Variants in AMH observed in about 807,000 individuals in gnomAD.
The protein encoded by AMH is anti-Mullerian hormone, also known as anti-Muellerian hormone.
A neutral mutation model predicts 33.3 loss-of-function variants in AMH; 39 were observed. The ratio of observed to expected loss-of-function variants is 1.17; its 90% CI spans 0.91 to 1.53. The LOEUF is 1.53. Among genes scored for constraint, AMH ranks in the 40% most tolerant of loss-of-function variants. The pLI is 0.00. For synonymous variants in AMH, 536 were observed against 403.0 expected, an observed-to-expected ratio of 1.33 and a Z score of -3.95; for missense variants, 1,019 against 799.8, an observed-to-expected ratio of 1.27 and a Z score of -3.30.
rs2025044922 is a variant in AMH, at chr19:2,251,577, C to T, written c.1303C>T (p.Arg435Cys). 1 of 1,296,754 alleles carries T rather than the reference C, an allele frequency of 7.7e-7. No homozygotes were observed. The highest frequency in any genetic ancestry group is 2.4e-5 in the South Asian group (1 of 41,206). The allele number at this position is 1,296,754 out of a possible 1,614,324, so 80.3% of individuals were successfully genotyped here. Residue 435 changes from arginine to cysteine, a missense_variant, in exon 5 of 5, where the codon CGC becomes TGC. Coordinates refer to ENST00000221496, the MANE Select transcript of AMH (RefSeq NM_000479.5). Reference sequence around the variant, plus strand: ...GCTCCTGAAGGCGCTGCAGGGCCTGCGCGTGGAGTGGCGCGGGCGGGATCC... The same window carrying T: ...GCTCCTGAAGGCGCTGCAGGGCCTGTGCGTGGAGTGGCGCGGGCGGGATCC... ...LLLLKALQGL[R>C]VEWRGRDPRG...
chr19:2,250,802 C>A (rs1212094169), intron 3 of AMH, 42 bp downstream of exon 3: 44 of 1,538,006 alleles, frequency 2.9e-5, no homozygotes, highest in Non-Finnish European at 3.8e-5. Flanking sequence ...GGTCGACTGC[C>A]CCCGGGCCCC....
Position 2,249,493 on chromosome 19 carries a change from T to C in AMH, c.161T>C (p.Leu54Pro). 6.2e-7 allele frequency: 1 copy of C among 1,607,068 alleles called. No homozygotes were observed. The highest frequency in any genetic ancestry group is 8.5e-7 in the Non-Finnish European group (1 of 1,177,848). ...CCTCCAGGCAGCCCACAAGAGCCTC[T>C]GTGCCTGGTGGCACTGGGCGGGGAC... Reference protein sequence around the residue: ...DWPPGSPQEPLCLVALGGDSN... With the variant: ...DWPPGSPQEPPCLVALGGDSN... Residue 54 changes from leucine (L) to proline (P), a missense_variant, in exon 1 of 5, where the codon CTG (leucine) becomes CCG (proline). Transcript: ENST00000221496.
rs1443896313 is a variant in AMH, at chr19:2,251,531, C to G, written c.1257C>G (p.Gly419=). The G allele has an allele frequency of 3.0e-6, 4 of 1,340,312 alleles. No individual in the cohort carries two copies. Among genetic ancestry groups the G allele is most frequent in the Non-Finnish European group, 3.8e-6 (4 of 1,048,120 alleles). 83.0% of individuals were successfully genotyped at this position (1,340,312 alleles called of 1,614,324 possible). The change falls in exon 5 of 5, where the codon GGC becomes GGG. Residue 419 remains glycine, a synonymous_variant. Coordinates refer to ENST00000221496, the MANE Select transcript of AMH (RefSeq NM_000479.5). ...GCCCAGGTGGCCCCGGCGGCCTCGGCGATCCCCTGCGAGCGCTGCTGCTCC... is the reference window on the plus strand; with the variant it reads ...GCCCAGGTGGCCCCGGCGGCCTCGGGGATCCCCTGCGAGCGCTGCTGCTCC... The part of the protein sequence containing the change: ...ALCPGGPGGL[G]DPLRALLLLK...
At position 2,251,989 on chromosome 19, in the gene AMH, G is replaced by A. The variant is rs1257511107; in HGVS notation, c.*32G>A. ...CGCCGCGCGGACTCCTGCCCCGAGG[G>A]TCCGGACGCGCCCCAGCTCGCGCCC... On this transcript the variant is annotated 3_prime_UTR_variant, in exon 5 of 5. Coordinates refer to ENST00000221496, the MANE Select transcript of AMH (RefSeq NM_000479.5). 5 of 1,531,622 alleles carry A rather than the reference G, an allele frequency of 3.3e-6. No homozygotes were observed. Among genetic ancestry groups the A allele is most frequent in the Non-Finnish European group, 4.4e-6 (5 of 1,145,246 alleles). The allele number at this position is 1,531,622 out of a possible 1,614,324, so 94.9% of individuals were successfully genotyped here.
In AMH at chr19:2,250,721, G is replaced by C. The variant is rs778532660; in HGVS notation, c.625G>C (p.Gly209Arg). 11 of 1,537,968 alleles carry C rather than the reference G, an allele frequency of 7.2e-6. No homozygotes were observed. Among genetic ancestry groups the C allele is most frequent in the Admixed American group, 3.9e-5 (2 of 51,384 alleles). The change falls in exon 3 of 5, where the codon GGC becomes CGC. Residue 209 changes from glycine to arginine, a missense_variant. Transcript: ENST00000221496. ...AVDRPAGAWR[G>R]SGLALTLQPR... The stretch of plus-strand genomic sequence containing the variant: ...GGACCGCCCTGCGGGGGCCTGGCGC[G>C]GCTCCGGGCTGGCCTTGACCCTGCA...
rs565312564 is a variant in AMH at position 2,251,489 on chromosome 19, G to T, written c.1215G>T (p.Ala405=). Residue 405 remains alanine (A), a synonymous_variant, in exon 5 of 5, where the codon GCG becomes GCT. Coordinates refer to ENST00000221496, the MANE Select transcript of AMH (RefSeq NM_000479.5). ...CTCCGGCCACAGCCCCGCTGCTGGC[G>T]CGCCTGCTCGCGCTCTGCCCAGGTG... ...GLPPATAPLL[A]RLLALCPGGP... 9.4e-6 allele frequency: 13 copies of T among 1,376,486 alleles called. No individual in the cohort carries two copies. In the Admixed American group the frequency reaches 4.0e-4, roughly 42 times the overall value. 85.3% of individuals were successfully genotyped at this position (1,376,486 alleles called of 1,614,324 possible). A position where few individuals can be genotyped will look rare whatever the true frequency, so the allele number is the denominator to read the frequency against.
intron 1 of AMH, chr19:2,250,056 C>T (rs2025001829): frequency 6.4e-6 from 4 of 624,356 alleles, no homozygotes; most frequent in African/African-American, 3.7e-5. Context: ...AGCCTGTTCT[C>T]AGGGCCGCTG....
Position 2,250,478 on chromosome 19 carries a change from A to T in AMH, c.554A>T (p.Gln185Leu). The T allele has an allele frequency of 6.5e-7, 1 of 1,548,110 alleles. No individual in the cohort carries two copies. The highest frequency in any genetic ancestry group is 8.7e-7 in the Non-Finnish European group (1 of 1,147,188). ...TVTRAGLPGA[Q>L]SLCPSRDTRY... ...ACGAGGGCTGGGCTGCCGGGTGCCCAGGTACCAGGGAGTTGCATGGGGCAG... is the reference window on the plus strand; with the variant it reads ...ACGAGGGCTGGGCTGCCGGGTGCCCTGGTACCAGGGAGTTGCATGGGGCAG... The change falls in exon 2 of 5, where the codon CAG becomes CTG. Residue 185 changes from glutamine (Q) to leucine (L), a missense_variant and splice_region_variant. By Grantham distance (113) the Gln-to-Leu change is moderately radical. Coordinates refer to ENST00000221496, the MANE Select transcript of AMH (RefSeq NM_000479.5).
At chr19:2,249,797 C>A in intron 1 of AMH, 53 bp downstream of exon 1, 1 of 1,448,600 alleles carries the variant, frequency 6.9e-7, no homozygotes, top group Non-Finnish European at 9.1e-7. Context: ...TCAGGTGGGC[C>A]GGGTCCTCCT....
rs748364470 is a variant in AMH, at chr19:2,251,934, G to GC, written c.1662dup (p.Thr555HisfsTer?). On this transcript the variant is annotated frameshift_variant, in exon 5 of 5. Transcript: ENST00000221496. LOFTEE classifies it high-confidence loss of function. ...CGCGCACCACGTGCCCAACATGGTG[G>GC]CCACCGAGTGTGGCTGCCGGTGACC... is the stretch of plus-strand genomic sequence containing the variant. 1 of 1,551,958 alleles carries GC rather than the reference G, an allele frequency of 6.4e-7. No homozygotes were observed. The highest frequency in any genetic ancestry group is 8.6e-7 in the Non-Finnish European group (1 of 1,157,222).
rs1251156344 is a variant in AMH at position 2,251,670 on chromosome 19, G to T, written c.1396G>T (p.Glu466Ter). The change falls in exon 5 of 5, where the codon GAG becomes TAG. Residue 466 changes from glutamate to a stop codon, truncating the protein, a stop_gained. Coordinates refer to ENST00000221496, the MANE Select transcript of AMH (RefSeq NM_000479.5). LOFTEE classifies it high-confidence loss of function. ...TAADGPCALR[E>*]LSVDLRAERS... is the part of the protein sequence containing the mutation. The stretch of plus-strand genomic sequence containing the variant: ...CGCCGACGGGCCGTGCGCGCTGCGC[G>T]AGCTCAGCGTAGACCTCCGCGCCGA... 30 of 1,607,736 alleles carry T rather than the reference G, an allele frequency of 1.9e-5. No individual in the cohort carries two copies. The highest frequency in any genetic ancestry group is 2.2e-5 in the Non-Finnish European group (26 of 1,178,082).
chr19:2,251,120 G>A lies in AMH; in HGVS notation c.846G>A (p.Glu282=), dbSNP rs1354990058. The change falls in exon 5 of 5, where the codon GAG becomes GAA. Residue 282 remains glutamate (E), a synonymous_variant. Coordinates refer to ENST00000221496, the MANE Select transcript of AMH (RefSeq NM_000479.5). ...CCAGGCCATCCGCGGAACTCGAGGA[G>A]TCGCCACCCAGCGCAGACCCCTTCC... The part of the protein sequence containing the change: ...PPPRPSAELE[E]SPPSADPFLE... 3.1e-5 allele frequency: 48 copies of A among 1,542,064 alleles called. No individual in the cohort carries two copies. The highest frequency in any genetic ancestry group is 3.7e-5 in the Non-Finnish European group (43 of 1,151,214).
At chr19:2,250,282 T>G (rs2025005595) in intron 1 of AMH, 55 bp from the exon 2 acceptor site, 1 of 1,552,576 alleles carries the variant, frequency 6.4e-7, no homozygotes, top group African/African-American at 1.4e-5. Flanking sequence ...TCCCAAAGAT[T>G]CCCGGGGGGT....
In AMH at chr19:2,251,633, G is replaced by T. The variant is rs762090233; in HGVS notation, c.1359G>T (p.Ala453=). 2 of 1,578,534 alleles carry T rather than the reference G, an allele frequency of 1.3e-6. No individual in the cohort carries two copies. Among genetic ancestry groups the T allele is most frequent in the Non-Finnish European group, 8.6e-7 (1 of 1,166,048 alleles). The change falls in exon 5 of 5, where the codon GCG becomes GCT. Residue 453 remains alanine (A), a synonymous_variant. Coordinates refer to ENST00000221496, the MANE Select transcript of AMH (RefSeq NM_000479.5). Reference sequence around the variant, plus strand: ...GGCCGGGTCGGGCACAGCGCAGCGCGGGGGCCACCGCCGCCGACGGGCCGT... The same window carrying T: ...GGCCGGGTCGGGCACAGCGCAGCGCTGGGGCCACCGCCGCCGACGGGCCGT... ...PRGPGRAQRS[A]GATAADGPCA... is the part of the protein sequence containing the mutation.
In AMH at chr19:2,250,370, A is replaced by C. The variant is rs768585333; in HGVS notation, c.446A>C (p.Gln149Pro). 7 of 1,596,636 alleles carry C rather than the reference A, an allele frequency of 4.4e-6. No individual in the cohort carries two copies. The highest frequency in any genetic ancestry group is 5.1e-6 in the Non-Finnish European group (6 of 1,173,802). The change falls in exon 2 of 5, where the codon CAG (glutamine) becomes CCG (proline). Residue 149 changes from glutamine to proline, a missense_variant. Gln to Pro is a moderately conservative substitution (Grantham distance 76). Transcript: ENST00000221496. ...GAGCCAACACCCTCGCTGAGGTTCC[A>C]GGAGCCCCCGCCTGGAGGAGCTGGC... ...TWEPTPSLRF[Q>P]EPPPGGAGPP...
At position 2,250,495 on chromosome 19, in the gene AMH, A is replaced by T. The variant is rs2025013657; in HGVS notation, c.555+16A>T. The stretch of plus-strand genomic sequence containing the variant: ...GGGTGCCCAGGTACCAGGGAGTTGC[A>T]TGGGGCAGTGCCCGGGCCGTGGCGG... On this transcript the variant is annotated intron_variant, in intron 2 of 4. Coordinates refer to ENST00000221496, the MANE Select transcript of AMH (RefSeq NM_000479.5). 6.5e-7 allele frequency: 1 copy of T among 1,546,644 alleles called. No homozygotes were observed. Among genetic ancestry groups the T allele is most frequent in the Admixed American group, 2.0e-5 (1 of 51,002 alleles).
chr19:2,249,564 G>C lies in AMH; in HGVS notation c.232G>C (p.Ala78Pro), dbSNP rs749993067. 6.3e-7 allele frequency: 1 copy of C among 1,580,154 alleles called. No homozygotes were observed. The highest frequency in any genetic ancestry group is 2.3e-5 in the East Asian group (1 of 43,168). ...SPLRVVGALS[A>P]YEQAFLGAVQ... ...CCTGCGGGTGGTGGGGGCTCTAAGC[G>C]CCTATGAGCAGGCCTTCCTGGGGGC... The change falls in exon 1 of 5, where the codon GCC becomes CCC. Residue 78 changes from alanine to proline, a missense_variant. By Grantham distance (27) the Ala-to-Pro change is conservative (BLOSUM62 -1). Transcript: ENST00000221496.
intron 1 of AMH, 106 bp downstream of exon 1, chr19:2,249,850 A>T: frequency 7.6e-7 from 1 of 1,308,610 alleles, no homozygotes; most frequent in Middle Eastern, 2.6e-4. Context: ...CTGGGCAGGG[A>T]GGCTGTGGTC....
In AMH at chr19:2,249,335, G is replaced by GCGGGACCTGCCTCTCAC; in HGVS notation, c.5_21dup (p.Ser8GlyfsTer10). ...CCCAGCCCCTGGCAGCACCCACGAT[G>GCGGGACCTGCCTCTCAC]CGGGACCTGCCTCTCACCAGCCTGG... On this transcript the variant is annotated frameshift_variant, in exon 1 of 5. Coordinates refer to ENST00000221496, the MANE Select transcript of AMH (RefSeq NM_000479.5). LOFTEE classifies it high-confidence loss of function. 1 of 1,564,618 alleles carries GCGGGACCTGCCTCTCAC rather than the reference G, an allele frequency of 6.4e-7. No individual in the cohort carries two copies. The highest frequency in any genetic ancestry group is 8.6e-7 in the Non-Finnish European group (1 of 1,157,254).
Sources: gnomAD v4.1 joint callset for allele counts on GRCh38, gnomAD v4.1.1 for gene constraint, MANE v1.5 for transcripts, NCBI Gene and HGNC (gene_info 2026-07-23, HGNC 2026-07-21) for gene names.